Variants in HMGN4 observed in about 807,000 individuals in gnomAD.
The protein encoded by HMGN4 is high mobility group nucleosome-binding domain-containing protein 4.
For synonymous variants in HMGN4, 39 were observed against 39.1 expected, an observed-to-expected ratio of 1.00 and a Z score of 0.01; for missense variants, 69 against 104.9, an observed-to-expected ratio of 0.66 and a Z score of 1.49.
chr6:26,542,617 C>A lies in HMGN4; in HGVS notation c.-80-2510C>A, dbSNP rs1245078866. On this transcript the variant is annotated intron_variant, in intron 1 of 1. Coordinates refer to ENST00000377575, the MANE Select transcript of HMGN4 (RefSeq NM_006353.3). The surrounding 1 kb of genome is among the most constrained non-coding windows in gnomAD (Gnocchi z 4.6). ...TTGTCCTTTATGGAAATGGTAAGAGCTTTTACCCATCTCTCTGGTCCCTTT... is the reference window on the plus strand; with the variant it reads ...TTGTCCTTTATGGAAATGGTAAGAGATTTTACCCATCTCTCTGGTCCCTTT... Among the ~76,000 whole-genome samples, 1 of 152,152 alleles carries A rather than the reference C, an allele frequency of 6.6e-6. No individual in the cohort carries two copies. Among genetic ancestry groups the A allele is most frequent in the African/African-American group, 2.4e-5 (1 of 41,426 alleles).
At chr6:26,540,973 A>G (rs1032821814) in intron 1 of HMGN4, among the ~76,000 whole-genome samples, 9 of 152,210 alleles carry the variant, frequency 5.9e-5, no homozygotes, top group African/African-American at 1.9e-4. Flanking sequence ...GAAAGAGAAA[A>G]AACATGGAAA....
chr6:26,545,748 C>T lies in HMGN4; in HGVS notation c.*269C>T, dbSNP rs765228626. On this transcript the variant is annotated 3_prime_UTR_variant, in exon 2 of 2. Transcript: ENST00000377575. The stretch of plus-strand genomic sequence containing the variant: ...ATTCCCTTGATTCCCAGGAGAGATT[C>T]TCTGACATTCACGTGTCAGCCACTT... 44 of 218,174 alleles carry T rather than the reference C, an allele frequency of 2.0e-4. No individual in the cohort carries two copies. Among genetic ancestry groups the T allele is most frequent in the Non-Finnish European group, 3.5e-4 (36 of 101,914 alleles). The allele number at this position is 218,174 out of a possible 1,614,324, so 13.5% of individuals were successfully genotyped here.
intron 1 of HMGN4, among the ~76,000 whole-genome samples, chr6:26,539,512 C>A (rs569441154): frequency 2.6e-4 from 39 of 151,928 alleles, no homozygotes; most frequent in South Asian, 1.7e-3. Flanking sequence ...CTCAAGTGAT[C>A]CGCCCGCCTC....
At chr6:26,541,707 T>C (rs1203878968) in intron 1 of HMGN4, among the ~76,000 whole-genome samples, 1 of 152,224 alleles carries the variant, frequency 6.6e-6, no homozygotes, top group Non-Finnish European at 1.5e-5. Context: ...GATCTTCTTC[T>C]AATGATAAAA....
At chr6:26,539,143 T>C in intron 1 of HMGN4, among the ~76,000 whole-genome samples, 1 of 152,270 alleles carries the variant, frequency 6.6e-6, no homozygotes, top group Non-Finnish European at 1.5e-5. Context: ...TTGTGTCACC[T>C]GGCAGCCTCG....
intron 1 of HMGN4, among the ~76,000 whole-genome samples, chr6:26,544,504 AG>A (rs1022121497): frequency 9.8e-5 from 15 of 152,322 alleles, no homozygotes; most frequent in South Asian, 6.2e-4. Flanking sequence ...GGTGATTTAC[AG>A]GTTTTTGAAA....
In HMGN4 at chr6:26,545,094, T is replaced by C. The variant is rs1021999931; in HGVS notation, c.-80-33T>C. 2.9e-5 allele frequency: 26 copies of C among 903,718 alleles called. 1 individual carries two copies. The South Asian group carries it at 6.9e-4, about 24-fold the overall frequency. The allele number at this position is 903,718 out of a possible 1,614,324, so 56.0% of individuals were successfully genotyped here. A position where few individuals can be genotyped will look rare whatever the true frequency, so the allele number is the denominator to read the frequency against. Reference sequence around the variant, plus strand: ...ACGTTTACATTCGTCAGTCTTTCCCTTTATGGTTTACGCTTTTTGTGTCTT... The same window carrying C: ...ACGTTTACATTCGTCAGTCTTTCCCCTTATGGTTTACGCTTTTTGTGTCTT... On this transcript the variant is annotated intron_variant, in intron 1 of 1. Transcript: ENST00000377575.
chr6:26,541,581 C>T (rs1460223249), intron 1 of HMGN4, among the ~76,000 whole-genome samples: 2 of 152,150 alleles, frequency 1.3e-5, no homozygotes, highest in Admixed American at 6.5e-5. Context: ...TCTCCTCTTC[C>T]TATAAGTACA....
chr6:26,539,651 AAAGAAAAG>A (rs759925938), intron 1 of HMGN4, among the ~76,000 whole-genome samples: 3 of 136,166 alleles, frequency 2.2e-5, no homozygotes, highest in Non-Finnish European at 3.1e-5. Context: ...AAAAAAAAAA[AAAGAAAAG>A]AAAAGAAAGA....
rs1764349503 is a variant in HMGN4 at position 26,546,269 on chromosome 6, C to A, written c.*790C>A. 6.0e-6 allele frequency: 1 copy of A among 167,032 alleles called. No homozygotes were observed. The highest frequency in any genetic ancestry group is 2.1e-4 in the South Asian group (1 of 4,828). 10.3% of individuals were successfully genotyped at this position (167,032 alleles called of 1,614,324 possible). The stretch of plus-strand genomic sequence containing the variant: ...TGGTTTGGGGGGAGATCCTTTCCTA[C>A]CCAAAGTCATAAATATATTCTTTAC... On this transcript the variant is annotated 3_prime_UTR_variant, in exon 2 of 2. Transcript: ENST00000377575.
At chr6:26,540,909 G>T (rs1764281012) in intron 1 of HMGN4, among the ~76,000 whole-genome samples, 1 of 152,158 alleles carries the variant, frequency 6.6e-6, no homozygotes, top group Non-Finnish European at 1.5e-5. Flanking sequence ...TAGGGATGAG[G>T]TGAAAATGAG....
At chr6:26,539,921 G>A (rs1452464096) in intron 1 of HMGN4, 1 of 152,126 alleles carries the variant, frequency 6.6e-6, no homozygotes, top group East Asian at 1.9e-4. Flanking sequence ...AAGTTATTAT[G>A]GTGCCCAGAA....
rs935148606 is a variant in HMGN4, at chr6:26,546,528, T to G, written c.*1049T>G. Among the ~76,000 whole-genome samples the G allele has an allele frequency of 2.0e-5, 3 of 152,240 alleles. No individual in the cohort carries two copies. The highest frequency in any genetic ancestry group is 2.9e-5 in the Non-Finnish European group (2 of 68,038). ...GTGGGTCTTTTGATGGTTTCTATTC[T>G]GACTGACATCAATTTGTCTAATCTT... is the stretch of plus-strand genomic sequence containing the variant. On this transcript the variant is annotated 3_prime_UTR_variant, in exon 2 of 2. Coordinates refer to ENST00000377575, the MANE Select transcript of HMGN4 (RefSeq NM_006353.3).
chr6:26,539,276 T>G (rs1274574060), intron 1 of HMGN4, among the ~76,000 whole-genome samples: 1 of 152,108 alleles, frequency 6.6e-6, no homozygotes, highest in Non-Finnish European at 1.5e-5. Context: ...GAATGTGATG[T>G]GTTTGTTTTT....
chr6:26,545,058 T>C (rs1234687789), intron 1 of HMGN4, 69 bp from the exon 2 acceptor site: 1 of 574,624 alleles, frequency 1.7e-6, no homozygotes, highest in African/African-American at 1.9e-5. Context: ...ATATAGTCAA[T>C]TTGATTTTTA....
At chr6:26,543,768 CAAAAAAAAAA>C (rs60635902) in intron 1 of HMGN4, among the ~76,000 whole-genome samples, 1 of 38,332 alleles carries the variant, frequency 2.6e-5, no homozygotes, top group Non-Finnish European at 4.2e-5. Context: ...GACTCTATCT[CAAAAAAAAAA>C]AAAAAAAAAA....
Position 26,546,777 on chromosome 6 carries a change from G to A in HMGN4, c.*1298G>A, listed in dbSNP as rs1401237694. Reference sequence around the variant, plus strand: ...ATTTATAAATCAAACAAACCCAAGAGCATTGAAATTTTGATTGGATTTGTA... The same window carrying A: ...ATTTATAAATCAAACAAACCCAAGAACATTGAAATTTTGATTGGATTTGTA... On this transcript the variant is annotated 3_prime_UTR_variant, in exon 2 of 2. Coordinates refer to ENST00000377575, the MANE Select transcript of HMGN4 (RefSeq NM_006353.3). 6.6e-6 allele frequency among the ~76,000 whole-genome samples: 1 copy of A among 152,140 alleles called. No individual in the cohort carries two copies.
intron 1 of HMGN4, among the ~76,000 whole-genome samples, chr6:26,540,486 C>T (rs917492947): frequency 2.6e-5 from 4 of 152,060 alleles, no homozygotes; most frequent in African/African-American, 7.2e-5. Flanking sequence ...AGGCATATGC[C>T]ACCACACCCA....
chr6:26,540,736 A>G (rs1348454579), intron 1 of HMGN4, among the ~76,000 whole-genome samples: 1 of 152,072 alleles, frequency 6.6e-6, no homozygotes, highest in East Asian at 1.9e-4. Flanking sequence ...CCAACCCCCA[A>G]ACACGATCTC....
Sources: allele counts gnomAD v4.1 joint callset (sites outside exome capture counted in the v4.1 genomes callset), GRCh38; gene constraint gnomAD v4.1.1; non-coding constraint Gnocchi (gnomAD v3.1); transcripts MANE v1.5; gene names NCBI Gene and HGNC (gene_info 2026-07-23, HGNC 2026-07-21).